PDPR: variants seen among roughly 807,000 people sequenced by gnomAD.
The protein encoded by PDPR is pyruvate dehydrogenase phosphatase regulatory subunit, also known as pyruvate dehydrogenase phosphatase regulatory subunit, mitochondrial.
PDPR carries 50 observed loss-of-function variants against 102.2 expected under a neutral mutation model. The observed-to-expected ratio is 0.49, with a 90% confidence interval of 0.39 to 0.62. PDPR has a LOEUF of 0.62. PDPR is among the 20% of genes least tolerant of loss of function. PDPR has a pLI of 0.00. For missense variants in PDPR, 625 were observed against 1,098.2 expected (o/e 0.57, Z 6.09); for synonymous variants, 259 against 406.0 (o/e 0.64, Z 4.35).
chr16:70,123,680 T>C (rs555108569), intron 3 of PDPR, among the ~76,000 whole-genome samples: 1 of 152,242 alleles, frequency 6.6e-6, no homozygotes, highest in East Asian at 1.9e-4. Flanking sequence ...AGGTTCATTT[T>C]TGGTTTAATT....
chr16:70,163,096 G>A (rs1807184), downstream of PDPR, among the ~76,000 whole-genome samples: 1,092 of 152,046 alleles, frequency 7.2e-3, 5 homozygotes, highest in African/African-American at 0.025. Flanking sequence ...TTACAGGCAC[G>A]CGCCACCATG....
chr16:70,163,089 C>T (rs570473267), downstream of PDPR, among the ~76,000 whole-genome samples: 7 of 152,378 alleles, frequency 4.6e-5, no homozygotes, highest in East Asian at 9.6e-4. Flanking sequence ...GCTGGGATTA[C>T]AGGCACGCGC....
chr16:70,152,941 C>T lies in PDPR; in HGVS notation c.2053-450C>T, dbSNP rs371832871. On this transcript the variant is annotated intron_variant, in intron 17 of 18. Coordinates refer to ENST00000288050, the MANE Select transcript of PDPR (RefSeq NM_017990.5). The stretch of plus-strand genomic sequence containing the variant: ...ACACGTCTCGAGTAACGTGTGAGAG[C>T]TGGGCCTCACAGCTTGGGCCAGTAC... 2.7e-4 allele frequency among the ~76,000 whole-genome samples: 41 copies of T among 152,386 alleles called. No individual in the cohort carries two copies. In the South Asian group the frequency reaches 7.9e-3, roughly 29 times the overall value.
intron 17 of PDPR, among the ~76,000 whole-genome samples, chr16:70,152,503 G>C (rs1368926553): frequency 6.6e-6 from 1 of 152,262 alleles, no homozygotes; most frequent in Non-Finnish European, 1.5e-5. Flanking sequence ...GGGCAAAAGA[G>C]CAAAACTCTG....
chr16:70,144,298 G>C, intron 14 of PDPR, 123 bp from the exon 15 acceptor site: 1 of 380,258 alleles, frequency 2.6e-6, no homozygotes, highest in Non-Finnish European at 5.0e-6. Flanking sequence ...CTGGCCTTCT[G>C]TGAAAGCTAA....
Position 70,149,992 on chromosome 16 carries a change from G to A in PDPR, c.2052+1439G>A, listed in dbSNP as rs575273380. Among the ~76,000 whole-genome samples the A allele has an allele frequency of 1.4e-4, 21 of 151,826 alleles. No individual in the cohort carries two copies. The East Asian group carries it at 2.5e-3, about 18-fold the overall frequency. ...TTTTTCATAGAGACGGGGTTTCACC[G>A]GGTTAACCAGAATGGTCTCGATCTC... On this transcript the variant is annotated intron_variant, in intron 17 of 18. Transcript: ENST00000288050.
At chr16:70,128,381 CCA>C (rs1273172565) in intron 4 of PDPR, among the ~76,000 whole-genome samples, 1 of 152,258 alleles carries the variant, frequency 6.6e-6, no homozygotes, top group Non-Finnish European at 1.5e-5. Context: ...GCGTGCACCA[CCA>C]CACCTGGCTA....
At position 70,159,446 on chromosome 16, in the gene PDPR, G is replaced by A. The variant is rs1439145788; in HGVS notation, c.*2567G>A. 1 of 152,616 alleles carries A rather than the reference G, an allele frequency of 6.6e-6. No homozygotes were observed. Among genetic ancestry groups the A allele is most frequent in the Non-Finnish European group, 1.5e-5 (1 of 68,278 alleles). 9.5% of individuals were successfully genotyped at this position (152,616 alleles called of 1,614,324 possible). A position where few individuals can be genotyped will look rare whatever the true frequency, so the allele number is the denominator to read the frequency against. Reference sequence around the variant, plus strand: ...GACTGATGGGGTGTTGATCTTCTAGGACATCACTTGTTTATTCAGTGCCCC... The same window carrying A: ...GACTGATGGGGTGTTGATCTTCTAGAACATCACTTGTTTATTCAGTGCCCC... On this transcript the variant is annotated 3_prime_UTR_variant, in exon 19 of 19. Coordinates refer to ENST00000288050, the MANE Select transcript of PDPR (RefSeq NM_017990.5).
chr16:70,156,435 G>C, intron 18 of PDPR, 40 bp from the exon 19 acceptor site: 2 of 1,604,990 alleles, frequency 1.2e-6, no homozygotes, highest in Non-Finnish European at 1.7e-6. Context: ...CCGAGGGTCT[G>C]AGTGTCGCTG....
At chr16:70,147,686 G>C (rs1966350239) in intron 16 of PDPR, 1 of 447,084 alleles carries the variant, frequency 2.2e-6, no homozygotes, top group African/African-American at 2.0e-5. Context: ...GGTTACTGAT[G>C]GAGACTCTTT....
In PDPR at chr16:70,127,336, G is replaced by A. The variant is rs1375243370; in HGVS notation, c.304G>A (p.Ala102Thr). 1 of 1,610,160 alleles carries A rather than the reference G, an allele frequency of 6.2e-7. No individual in the cohort carries two copies. The highest frequency in any genetic ancestry group is 1.3e-5 in the African/African-American group (1 of 74,908). The change falls in exon 4 of 19, where the codon GCA becomes ACA. Residue 102 changes from alanine (A) to threonine (T), a missense_variant. Ala to Thr is a moderately conservative substitution (Grantham distance 58). Coordinates refer to ENST00000288050, the MANE Select transcript of PDPR (RefSeq NM_017990.5). Reference protein sequence around the residue: ...ARHLTIEQKMADYSNKLYYQL... With the variant: ...ARHLTIEQKMTDYSNKLYYQL... Reference sequence around the variant, plus strand: ...GCACTTGACCATTGAGCAGAAGATGGCAGACTACTCAAACAAACTCTACTA... The same window carrying A: ...GCACTTGACCATTGAGCAGAAGATGACAGACTACTCAAACAAACTCTACTA...
At chr16:70,152,213 C>A (rs1966790766) in intron 17 of PDPR, among the ~76,000 whole-genome samples, 1 of 152,276 alleles carries the variant, frequency 6.6e-6, no homozygotes, top group Non-Finnish European at 1.5e-5. Flanking sequence ...GCTTGGATTC[C>A]TTTTTTCCAC....
At chr16:70,155,827 A>G (rs1476033131) in intron 18 of PDPR, among the ~76,000 whole-genome samples, 9 of 142,034 alleles carry the variant, frequency 6.3e-5, no homozygotes, top group Admixed American at 6.2e-4. Context: ...TTTGAGACAG[A>G]GTTTTGCTGT....
intron 18 of PDPR, 88 bp from the exon 19 acceptor site, chr16:70,156,387 G>C: frequency 1.3e-6 from 2 of 1,487,152 alleles, no homozygotes; most frequent in Admixed American, 4.1e-5. Flanking sequence ...CCATTGCAGT[G>C]ACACCAGGGG....
chr16:70,163,358 T>G (rs1967940442), downstream of PDPR, among the ~76,000 whole-genome samples: 1 of 151,850 alleles, frequency 6.6e-6, no homozygotes, highest in Non-Finnish European at 1.5e-5. Context: ...AATCAGCCCC[T>G]TCTATTCCAG....
At chr16:70,145,356 T>G (rs1402302229) in intron 15 of PDPR, among the ~76,000 whole-genome samples, 1 of 152,236 alleles carries the variant, frequency 6.6e-6, no homozygotes, top group Non-Finnish European at 1.5e-5. Flanking sequence ...CAGGCTGGTC[T>G]TGAACTCTTG....
chr16:70,121,504 C>T (rs1310530988), intron 3 of PDPR, among the ~76,000 whole-genome samples: 1 of 151,678 alleles, frequency 6.6e-6, no homozygotes, highest in African/African-American at 2.4e-5. Context: ...CCAGCCTGGC[C>T]AACATGGTGA....
chr16:70,128,277 G>C (rs1384667167), intron 4 of PDPR, among the ~76,000 whole-genome samples: 3 of 151,976 alleles, frequency 2.0e-5, no homozygotes, highest in African/African-American at 7.3e-5. Context: ...ACCCAGGCTA[G>C]AGTGCAGTGG....
chr16:70,149,939 T>C (rs143710482), intron 17 of PDPR, among the ~76,000 whole-genome samples: 11,307 of 148,196 alleles, frequency 0.076, 36 homozygotes, highest in African/African-American at 0.13. Flanking sequence ...TACAGGCGCC[T>C]GCCACCACGC....
Sources: allele counts gnomAD v4.1 joint callset (sites outside exome capture counted in the v4.1 genomes callset), GRCh38; gene constraint gnomAD v4.1.1; transcripts MANE v1.5; gene names NCBI Gene and HGNC (gene_info 2026-07-23, HGNC 2026-07-21).